The following TCAIM variants were observed in gnomAD, a reference collection of about 807,000 sequenced individuals.
TCAIM encodes T-cell activation inhibitor, mitochondrial.
Under a neutral mutation model 58.6 loss-of-function variants are expected in TCAIM, and 36 were observed. The observed-to-expected ratio is 0.61, with a 90% CI of 0.47 to 0.81. TCAIM has a LOEUF of 0.81. TCAIM is among the 30% of genes least tolerant of loss of function. The probability of loss-of-function intolerance (pLI) is 0.00; values close to 1 mark genes in which losing one functional copy is unlikely to be tolerated. For synonymous variants in TCAIM, 172 were observed against 193.6 expected (o/e 0.89, Z 0.93); for missense variants, 466 against 579.6 (o/e 0.80, Z 2.01).
At chr3:44,396,248 A>G in intron 6 of TCAIM, 152 bp from the exon 7 acceptor site, 1 of 540,160 alleles carries the variant, frequency 1.9e-6, no homozygotes, top group Non-Finnish European at 3.1e-6. Context: ...AAAATTAGCT[A>G]GCTTAGAAAC....
intron 5 of TCAIM, among the ~76,000 whole-genome samples, chr3:44,386,193 A>G (rs899088435): frequency 7.0e-6 from 1 of 142,354 alleles, no homozygotes; most frequent in African/African-American, 2.7e-5. Flanking sequence ...AGCCTGGGCA[A>G]TAGAGCCAGA....
chr3:44,406,343 A>T (rs1184444278), intron 10 of TCAIM, among the ~76,000 whole-genome samples: 1 of 152,180 alleles, frequency 6.6e-6, no homozygotes, highest in Non-Finnish European at 1.5e-5. Flanking sequence ...AGAAAAAGTT[A>T]CTCATCCCCT....
chr3:44,361,872 C>G (rs917928650), intron 4 of TCAIM, among the ~76,000 whole-genome samples: 6 of 152,080 alleles, frequency 3.9e-5, no homozygotes, highest in Non-Finnish European at 5.9e-5. Context: ...TAGTACTTAC[C>G]CAATTGTAAC....
At chr3:44,381,393 T>G (rs1225421043) in intron 5 of TCAIM, among the ~76,000 whole-genome samples, 1 of 152,182 alleles carries the variant, frequency 6.6e-6, no homozygotes, top group Non-Finnish European at 1.5e-5. Context: ...ATGATCATGA[T>G]GCATGATCTA....
chr3:44,352,103 T>TA (rs1701104833), intron 1 of TCAIM, among the ~76,000 whole-genome samples: 1 of 148,288 alleles, frequency 6.7e-6, no homozygotes, highest in African/African-American at 2.5e-5. Context: ...ATATATATAT[T>TA]ATATATATAA....
chr3:44,408,795 C>A lies in TCAIM; in HGVS notation c.*1113C>A, dbSNP rs1702138998. 6.6e-6 allele frequency: 1 copy of A among 152,128 alleles called. No homozygotes were observed. The highest frequency in any genetic ancestry group is 1.5e-5 in the Non-Finnish European group (1 of 68,034). The allele number at this position is 152,128 out of a possible 1,614,324, so 9.4% of individuals were successfully genotyped here. ...TCATTAGCCCCGGCCTGGTTAAAGC[C>A]CCTCAGAGTCACCTCTCATTCATAG... On this transcript the variant is annotated 3_prime_UTR_variant, in exon 11 of 11. Coordinates refer to ENST00000342649, the MANE Select transcript of TCAIM (RefSeq NM_173826.4).
chr3:44,363,229 T>C (rs545924595), intron 4 of TCAIM, among the ~76,000 whole-genome samples: 41 of 152,342 alleles, frequency 2.7e-4, no homozygotes, highest in Non-Finnish European at 5.4e-4. Context: ...ACAGAGCTGG[T>C]ACTAGAACTA....
At chr3:44,359,571 A>G (rs1236008296) in intron 3 of TCAIM, 1 of 152,196 alleles carries the variant, frequency 6.6e-6, no homozygotes, top group Admixed American at 6.5e-5. Context: ...ACTGACCCCC[A>G]GTAAAACTCT....
intron 4 of TCAIM, chr3:44,362,410 C>T (rs1226692783): frequency 1.5e-5 from 6 of 400,716 alleles, no homozygotes; most frequent in African/African-American, 4.1e-5. Context: ...CACCCTCCCC[C>T]GGCTCTCAGG....
chr3:44,386,598 T>A (rs1416035913), intron 5 of TCAIM, among the ~76,000 whole-genome samples: 1 of 152,206 alleles, frequency 6.6e-6, no homozygotes, highest in Non-Finnish European at 1.5e-5. Context: ...CTGCTCCCAC[T>A]CCCTGGCCTC....
Position 44,393,049 on chromosome 3 carries a change from A to G in TCAIM, c.695+72A>G. On this transcript the variant is annotated intron_variant, in intron 6 of 10. Coordinates refer to ENST00000342649, the MANE Select transcript of TCAIM (RefSeq NM_173826.4). ...ATTACCAACTGATAAGCTTTTCAGC[A>G]GCTAAATATTTGCATCTTTAATTGC... 4 of 1,383,292 alleles carry G rather than the reference A, an allele frequency of 2.9e-6. No homozygotes were observed. The South Asian group carries it at 5.2e-5, about 18-fold the overall frequency. 85.7% of individuals were successfully genotyped at this position (1,383,292 alleles called of 1,614,324 possible). A position where few individuals can be genotyped will look rare whatever the true frequency, so the allele number is the denominator to read the frequency against.
At chr3:44,363,469 A>G (rs1279714693) in intron 4 of TCAIM, among the ~76,000 whole-genome samples, 1 of 152,238 alleles carries the variant, frequency 6.6e-6, no homozygotes, top group Admixed American at 6.5e-5. Context: ...AGAAATCATT[A>G]ATCAGCTTTG....
At chr3:44,394,913 AAAAAAAAAATATATATATATATAT>A (rs1559581792) in intron 6 of TCAIM, among the ~76,000 whole-genome samples, 2 of 53,204 alleles carry the variant, frequency 3.8e-5, no homozygotes, top group African/African-American at 1.3e-4. Context: ...AAAAAAAAAA[AAAAAAAAAATATATATATATATAT>A]ATATATATAT....
chr3:44,381,693 A>G (rs889213224), intron 5 of TCAIM, among the ~76,000 whole-genome samples: 1 of 152,184 alleles, frequency 6.6e-6, no homozygotes, highest in South Asian at 2.1e-4. Context: ...AGGTAAAATT[A>G]TCTGTTCACA....
intron 5 of TCAIM, among the ~76,000 whole-genome samples, chr3:44,375,830 C>T (rs1023389130): frequency 6.6e-6 from 1 of 152,140 alleles, no homozygotes; most frequent in Non-Finnish European, 1.5e-5. Context: ...AATTCCACTC[C>T]TAGGTATACA....
At chr3:44,366,880 G>T (rs1208995999) in intron 4 of TCAIM, among the ~76,000 whole-genome samples, 6 of 152,152 alleles carry the variant, frequency 3.9e-5, no homozygotes, top group South Asian at 2.1e-4. Flanking sequence ...GATTACAGGA[G>T]TAACTTTTAA....
At chr3:44,386,228 A>AAC (rs1400319511) in intron 5 of TCAIM, among the ~76,000 whole-genome samples, 30 of 151,962 alleles carry the variant, frequency 2.0e-4, no homozygotes, top group African/African-American at 6.5e-4. Context: ...AAAAAAAAAA[A>AAC]AAAACACTTT....
intron 3 of TCAIM, chr3:44,358,485 A>G: frequency 2.0e-6 from 1 of 498,984 alleles, no homozygotes. Context: ...TGTACTACAC[A>G]TGAACAAACT....
chr3:44,389,568 ATTAC>A (rs1701799323), intron 5 of TCAIM, among the ~76,000 whole-genome samples: 3 of 152,322 alleles, frequency 2.0e-5, no homozygotes, highest in South Asian at 2.1e-4. Context: ...AACAACATGT[ATTAC>A]TTAATAAGTG....
Sources: gnomAD v4.1 joint callset for allele counts (sites outside exome capture counted in the v4.1 genomes callset) on GRCh38, gnomAD v4.1.1 for gene constraint, MANE v1.5 for transcripts, NCBI Gene and HGNC (gene_info 2026-07-23, HGNC 2026-07-21) for gene names.